The following MPHOSPH10 variants were observed in gnomAD, a reference collection of about 807,000 sequenced individuals.
MPHOSPH10 encodes the protein M-phase phosphoprotein 10.
Under a neutral mutation model 77.3 loss-of-function variants are expected in MPHOSPH10, and 33 were observed. The observed-to-expected ratio is 0.43, with a 90% CI of 0.32 to 0.57. The LOEUF (loss-of-function observed/expected upper bound fraction) is 0.57, where lower values mean the gene tolerates loss of function less well. Among genes scored for constraint, MPHOSPH10 ranks in the 20% least tolerant of loss-of-function variants. MPHOSPH10 has a pLI of 0.07. For synonymous variants in MPHOSPH10, 245 were observed against 268.0 expected (o/e 0.91, Z 0.84); for missense variants, 708 against 780.1 (o/e 0.91, Z 1.10).
chr2:71,132,034 A>T (rs1673396749), intron 1 of MPHOSPH10, among the ~76,000 whole-genome samples: 1 of 152,300 alleles, frequency 6.6e-6, no homozygotes, highest in East Asian at 1.9e-4. Context: ...GTACTCAAAC[A>T]TAAAACTAGG....
In MPHOSPH10 at chr2:71,133,494, A is replaced by G. The variant is rs549591459; in HGVS notation, c.686A>G (p.Glu229Gly). The change falls in exon 2 of 11, where the codon GAG becomes GGG. Residue 229 changes from glutamate to glycine, a missense_variant. Glu to Gly is a moderately conservative substitution (Grantham distance 98). Coordinates refer to ENST00000244230, the MANE Select transcript of MPHOSPH10 (RefSeq NM_005791.3). ...GAGGAACGAAAAGATGATAATGATGAGGAGGAGGAAGATATTGATTTTTTT... is the reference window on the plus strand; with the variant it reads ...GAGGAACGAAAAGATGATAATGATGGGGAGGAGGAAGATATTGATTTTTTT... ...KEEERKDDND[E>G]EEEDIDFFED... is the part of the protein sequence containing the mutation. 30 of 1,606,120 alleles carry G rather than the reference A, an allele frequency of 1.9e-5. No homozygotes were observed. The highest frequency in any genetic ancestry group is 2.7e-5 in the African/African-American group (2 of 74,774).
At chr2:71,134,161 G>A (rs1395577040) in intron 3 of MPHOSPH10, 56 bp downstream of exon 3, 33 of 1,508,506 alleles carry the variant, frequency 2.2e-5, no homozygotes, top group Non-Finnish European at 2.9e-5. Flanking sequence ...AATCATGTGT[G>A]TGTACTCGTA....
intron 1 of MPHOSPH10, 188 bp downstream of exon 1, chr2:71,130,942 G>T: frequency 1.7e-6 from 1 of 590,312 alleles, no homozygotes. Context: ...TGTATAGATG[G>T]ATCTCTCAGT....
At chr2:71,140,003 T>G in intron 6 of MPHOSPH10, 141 bp downstream of exon 6, 1 of 604,704 alleles carries the variant, frequency 1.7e-6, no homozygotes, top group Non-Finnish European at 2.9e-6. Context: ...CCTAGTCAGC[T>G]TTTGTTGTGT....
At chr2:71,141,193 G>A in intron 6 of MPHOSPH10, 39 bp from the exon 7 acceptor site, 1 of 1,300,206 alleles carries the variant, frequency 7.7e-7, no homozygotes, top group Non-Finnish European at 9.9e-7. Context: ...GAAATAAATT[G>A]TAGGTTTTGT....
chr2:71,149,542 C>G (rs780056356), intron 10 of MPHOSPH10, 89 bp downstream of exon 10: 9 of 1,214,040 alleles, frequency 7.4e-6, no homozygotes, highest in Non-Finnish European at 1.1e-5. Context: ...TCTGAGCCAG[C>G]TGACAGCCCA....
chr2:71,140,602 T>A (rs357753), intron 6 of MPHOSPH10, among the ~76,000 whole-genome samples: 45,199 of 152,104 alleles, frequency 0.3, 6,877 homozygotes, highest in Admixed American at 0.39. Context: ...TTGTGGTAGT[T>A]CTACAATTTT....
intron 6 of MPHOSPH10, among the ~76,000 whole-genome samples, chr2:71,140,267 A>G (rs1161543902): frequency 6.6e-6 from 1 of 152,180 alleles, no homozygotes; most frequent in Non-Finnish European, 1.5e-5. Flanking sequence ...GTGACTTAAA[A>G]GGAATACAGT....
In MPHOSPH10 at chr2:71,149,415, A is replaced by G. The variant is rs2103684608; in HGVS notation, c.1858A>G (p.Lys620Glu). The change falls in exon 10 of 11, where the codon AAA becomes GAA. Residue 620 changes from lysine to glutamate, a missense_variant. Coordinates refer to ENST00000244230, the MANE Select transcript of MPHOSPH10 (RefSeq NM_005791.3). ...CAAAACAGTAGCTTCGGAGAAGTTA[A>G]AACAGCTGACCAAAACTGGCAAAGC... is the stretch of plus-strand genomic sequence containing the variant. ...YSKTVASEKL[K>E]QLTKTGKASF... 6.2e-7 allele frequency: 1 copy of G among 1,614,134 alleles called. No individual in the cohort carries two copies. The highest frequency in any genetic ancestry group is 1.1e-5 in the South Asian group (1 of 91,062).
chr2:71,141,901 A>G (rs976617585), intron 7 of MPHOSPH10, among the ~76,000 whole-genome samples: 12 of 152,106 alleles, frequency 7.9e-5, no homozygotes, highest in African/African-American at 2.4e-4. Flanking sequence ...GCGTGGTGGC[A>G]TGTGCCTGTA....
chr2:71,149,117 C>A, intron 9 of MPHOSPH10, 106 bp from the exon 10 acceptor site: 1 of 1,007,422 alleles, frequency 9.9e-7, no homozygotes, highest in Non-Finnish European at 1.4e-6. Context: ...TGCATTTGGC[C>A]ACAGATGCAC....
At position 71,141,257 on chromosome 2, in the gene MPHOSPH10, A is replaced by C; in HGVS notation, c.1334A>C (p.Glu445Ala). 6.5e-7 allele frequency: 1 copy of C among 1,531,288 alleles called. No homozygotes were observed. The highest frequency in any genetic ancestry group is 1.4e-5 in the African/African-American group (1 of 71,400). 94.9% of individuals were successfully genotyped at this position (1,531,288 alleles called of 1,614,324 possible). ...GCTTGGGATGATGTAGTACGTAAAG[A>C]AAAACCTAAAGAGGATGCATATGAA... ...DQAWDDVVRK[E>A]KPKEDAYEYK... The change falls in exon 7 of 11, where the codon GAA becomes GCA. Residue 445 changes from glutamate (E) to alanine (A), a missense_variant. Physicochemically the swap from Glu to Ala is moderately radical, Grantham distance 107. Coordinates refer to ENST00000244230, the MANE Select transcript of MPHOSPH10 (RefSeq NM_005791.3).
chr2:71,149,519 G>C, intron 10 of MPHOSPH10, 66 bp downstream of exon 10: 1 of 1,449,504 alleles, frequency 6.9e-7, no homozygotes, highest in Non-Finnish European at 9.5e-7. Flanking sequence ...GCAAGTGCTG[G>C]GTGACTGGAA....
At chr2:71,143,116 G>A (rs1673640285) in intron 7 of MPHOSPH10, among the ~76,000 whole-genome samples, 1 of 151,166 alleles carries the variant, frequency 6.6e-6, no homozygotes, top group Admixed American at 6.6e-5. Context: ...ATTTTATGAA[G>A]TCTATATTAA....
chr2:71,148,105 A>G lies in MPHOSPH10; in HGVS notation c.1664A>G (p.Lys555Arg), dbSNP rs751000850. The G allele has an allele frequency of 5.6e-6, 9 of 1,610,488 alleles. No individual in the cohort carries two copies. The highest frequency in any genetic ancestry group is 5.9e-6 in the Non-Finnish European group (7 of 1,176,832). ...GCTCTCCTGGCCCCAGAGGAGATCA[A>G]GGTAAGAAGCCAATGTTGAAACCTT... ...DAALLAPEEI[K>R]EKNKAGDIKT... The change falls in exon 9 of 11, where the codon AAG becomes AGG. Residue 555 changes from lysine to arginine, a missense_variant and splice_region_variant. This residue lies in a region of MPHOSPH10 where 263 missense variants were observed against 320.0 expected (regional missense o/e 0.82). Coordinates refer to ENST00000244230, the MANE Select transcript of MPHOSPH10 (RefSeq NM_005791.3).
chr2:71,138,406 C>G (rs998970022), intron 4 of MPHOSPH10, 84 bp from the exon 5 acceptor site: 18 of 1,125,970 alleles, frequency 1.6e-5, no homozygotes, highest in Non-Finnish European at 1.7e-5. Flanking sequence ...CTTGCTTTCC[C>G]ACTTTTTAAA....
Position 71,130,726 on chromosome 2 carries a change from G to C in MPHOSPH10, c.61G>C (p.Ala21Pro), listed in dbSNP as rs753625091. 1.2e-6 allele frequency: 2 copies of C among 1,610,582 alleles called. No homozygotes were observed. Among genetic ancestry groups the C allele is most frequent in the East Asian group, 4.5e-5 (2 of 44,850 alleles). ...LERCLTEVGKATGRPECFLTI... is the reference protein window; with the variant it reads ...LERCLTEVGKPTGRPECFLTI... ...GCGGTGTCTGACGGAAGTCGGCAAA[G>C]CCACGGGTCGGCCCGAGTGCTTCCT... The change falls in exon 1 of 11, where the codon GCC (alanine) becomes CCC (proline). Residue 21 changes from alanine to proline, a missense_variant. Coordinates refer to ENST00000244230, the MANE Select transcript of MPHOSPH10 (RefSeq NM_005791.3).
In MPHOSPH10 at chr2:71,144,826, G is replaced by A. The variant is rs545081687; in HGVS notation, c.1557+288G>A. On this transcript the variant is annotated intron_variant, in intron 8 of 10. Coordinates refer to ENST00000244230, the MANE Select transcript of MPHOSPH10 (RefSeq NM_005791.3). ...CTCACACTTTAAAAGATCCTCAGCC[G>A]TAGCCACAGGGACTCCTCCTTTCCC... is the stretch of plus-strand genomic sequence containing the variant. Among the ~76,000 whole-genome samples, 9 of 151,852 alleles carry A rather than the reference G, an allele frequency of 5.9e-5. No individual in the cohort carries two copies. In the South Asian group the frequency reaches 6.2e-4, roughly 11 times the overall value.
chr2:71,149,770 G>T (rs1247864107), intron 10 of MPHOSPH10, 96 bp from the exon 11 acceptor site: 4 of 1,056,056 alleles, frequency 3.8e-6, no homozygotes, highest in East Asian at 2.5e-5. Context: ...CATATTTATG[G>T]TTGCATACAT....
Sources: gnomAD v4.1 joint callset for allele counts (sites outside exome capture counted in the v4.1 genomes callset) on GRCh38, gnomAD v4.1.1 for gene constraint, gnomAD v4.1.1 regional missense constraint, MANE v1.5 for transcripts, NCBI Gene and HGNC (gene_info 2026-07-23, HGNC 2026-07-21) for gene names.